The following DEPDC4 variants were observed in gnomAD, a reference collection of about 807,000 sequenced individuals.
DEPDC4 encodes DEP domain-containing protein 4.
Under a neutral mutation model 52.0 loss-of-function variants are expected in DEPDC4, and 52 were observed. The ratio of observed to expected loss-of-function variants is 1.00; its 90% CI spans 0.80 to 1.26. DEPDC4 has a LOEUF of 1.26. DEPDC4 is among the 50% of genes most tolerant of loss of function. The pLI is 0.00. For missense variants in DEPDC4, 530 were observed against 546.9 expected (o/e 0.97, Z 0.31); for synonymous variants, 201 against 196.8 (o/e 1.02, Z -0.18).
chr12:100,271,980 G>A (rs934705482), upstream of DEPDC4, among the ~76,000 whole-genome samples: 1 of 152,160 alleles, frequency 6.6e-6, no homozygotes, highest in Non-Finnish European at 1.5e-5. Flanking sequence ...CCTGCTGTCA[G>A]ATGCTGTAAT....
At chr12:100,245,517 G>T (rs7962884) in intron 8 of DEPDC4, among the ~76,000 whole-genome samples, 59,667 of 152,126 alleles carry the variant, frequency 0.39, 14,405 homozygotes, top group African/African-American at 0.67. Context: ...TCTGCCTGCT[G>T]CGGCCTCCCA....
chr12:100,235,580 T>G (rs1342521981), downstream of DEPDC4, among the ~76,000 whole-genome samples: 1 of 152,060 alleles, frequency 6.6e-6, no homozygotes, highest in East Asian at 1.9e-4. Context: ...TCATTCTTTT[T>G]TTTTTTTCCC....
upstream of DEPDC4, among the ~76,000 whole-genome samples, chr12:100,269,813 T>C (rs966192240): frequency 1.7e-4 from 26 of 152,184 alleles, no homozygotes; most frequent in African/African-American, 5.8e-4. Flanking sequence ...GATACAGATA[T>C]ACTTCACCTT....
chr12:100,237,353 G>A (rs1004210586), downstream of DEPDC4, among the ~76,000 whole-genome samples: 10 of 151,766 alleles, frequency 6.6e-5, no homozygotes, highest in Non-Finnish European at 1.0e-4. Context: ...GACTACAGGC[G>A]TGTGCCACCA....
At chr12:100,266,596 T>A (rs1349478367) in intron 1 of DEPDC4, among the ~76,000 whole-genome samples, 1 of 152,204 alleles carries the variant, frequency 6.6e-6, no homozygotes, top group Non-Finnish European at 1.5e-5. Flanking sequence ...ATTGGTGCCA[T>A]CTGGACATGT....
At chr12:100,274,436 T>C in the DEPDC4 span, among the ~76,000 whole-genome samples, 1 of 152,186 alleles carries the variant, frequency 6.6e-6, no homozygotes, top group Non-Finnish European at 1.5e-5. Flanking sequence ...TTCCTATATA[T>C]CTCTGTGACA....
At chr12:100,260,381 A>G (rs2096249485) in intron 3 of DEPDC4, among the ~76,000 whole-genome samples, 1 of 151,186 alleles carries the variant, frequency 6.6e-6, no homozygotes, top group African/African-American at 2.4e-5. Context: ...TTGGCCTCCC[A>G]AAGTGCTGGG....
At position 100,241,532 on chromosome 12, in the gene DEPDC4, C is replaced by G. The variant is rs189754098; in HGVS notation, c.*360G>C. ...GGGCAACATAATAGGACCCCTGTCT[C>G]TACAAAATAAAAATAAAAAATAAAA... On this transcript the variant is annotated 3_prime_UTR_variant, in exon 10 of 10. Transcript: ENST00000550587. The G allele has an allele frequency of 6.8e-5, 38 of 555,964 alleles. No homozygotes were observed. The East Asian group carries it at 3.9e-3, about 56-fold the overall frequency. 34.4% of individuals were successfully genotyped at this position (555,964 alleles called of 1,614,324 possible).
At chr12:100,247,998 C>T (rs1411601475) in intron 8 of DEPDC4, among the ~76,000 whole-genome samples, 2 of 152,104 alleles carry the variant, frequency 1.3e-5, no homozygotes, top group African/African-American at 4.8e-5. Context: ...CAGCTACCTC[C>T]CCTATAAAAT....
chr12:100,258,706 TTATTTCCACCTA>T (rs879770763), intron 3 of DEPDC4, among the ~76,000 whole-genome samples: 3,460 of 152,072 alleles, frequency 0.023, 89 homozygotes, highest in African/African-American at 0.066. Context: ...ATTTGAGAAA[TTATTTCCACCTA>T]GAATTCTGTC....
In DEPDC4 at chr12:100,231,860, G is replaced by A. The variant is rs111306416; in HGVS notation, c.*699+6108C>T. Among the ~76,000 whole-genome samples, 16 of 151,894 alleles carry A rather than the reference G, an allele frequency of 1.1e-4. No individual in the cohort carries two copies. The South Asian group carries it at 1.2e-3, about 12-fold the overall frequency. On this transcript the variant is annotated intron_variant and NMD_transcript_variant, in intron 9 of 10. Transcript: ENST00000378244. The stretch of plus-strand genomic sequence containing the variant: ...CTCAGGAGGCTGAGGCGGGAGAGTC[G>A]CTTGAACCTGAGAGGCAGAGGTTGC...
chr12:100,271,873 T>C (rs1439082983), upstream of DEPDC4, among the ~76,000 whole-genome samples: 2 of 152,232 alleles, frequency 1.3e-5, no homozygotes, highest in African/African-American at 4.8e-5. Context: ...AGGAAGTCTT[T>C]GTTAAGCATA....
intron 5 of DEPDC4, 74 bp from the exon 6 acceptor site, chr12:100,252,610 T>C: frequency 7.3e-7 from 1 of 1,379,258 alleles, no homozygotes; most frequent in Non-Finnish European, 9.8e-7. Flanking sequence ...TACTTAGTAG[T>C]CAATTAAAAT....
chr12:100,254,119 A>G (rs1287984252), intron 4 of DEPDC4, among the ~76,000 whole-genome samples: 1 of 151,752 alleles, frequency 6.6e-6, no homozygotes, highest in African/African-American at 2.4e-5. Flanking sequence ...CCCACCACAC[A>G]TTGTTTTCCC....
intron 7 of DEPDC4, among the ~76,000 whole-genome samples, chr12:100,250,427 C>T (rs1444401906): frequency 6.6e-6 from 1 of 152,042 alleles, no homozygotes; most frequent in Non-Finnish European, 1.5e-5. Context: ...ACCATGTTGG[C>T]CAGGCTGGTC....
chr12:100,245,308 C>G (rs370976221), intron 8 of DEPDC4, among the ~76,000 whole-genome samples: 7 of 152,292 alleles, frequency 4.6e-5, no homozygotes, highest in African/African-American at 1.7e-4. Context: ...GCTCTGTCCC[C>G]CAGGCTGGAG....
intron 8 of DEPDC4, among the ~76,000 whole-genome samples, chr12:100,245,225 G>A (rs1427393721): frequency 3.3e-5 from 5 of 151,908 alleles, no homozygotes; most frequent in East Asian, 1.9e-4. Flanking sequence ...CCCTAAATAC[G>A]GTGGTAGTCA....
At chr12:100,247,131 T>G (rs1438584806) in intron 8 of DEPDC4, among the ~76,000 whole-genome samples, 2 of 151,512 alleles carry the variant, frequency 1.3e-5, no homozygotes, top group African/African-American at 4.8e-5. Flanking sequence ...ATCAGAAAAC[T>G]CTTTACTTTC....
intron 8 of DEPDC4, among the ~76,000 whole-genome samples, chr12:100,247,637 T>A (rs2096191589): frequency 6.6e-6 from 1 of 152,218 alleles, no homozygotes. Context: ...ATGTTTGCTT[T>A]GAAATTAGCC....
Sources: gnomAD v4.1 joint callset for allele counts (sites outside exome capture counted in the v4.1 genomes callset) on GRCh38, gnomAD v4.1.1 for gene constraint, MANE v1.5 for transcripts, NCBI Gene and HGNC (gene_info 2026-07-23, HGNC 2026-07-21) for gene names.